The following PRKCE variants were observed in gnomAD, a reference collection of about 807,000 sequenced individuals.
PRKCE encodes the protein protein kinase C epsilon, also known as protein kinase C epsilon type.
In PRKCE, 16 loss-of-function variants were observed where a neutral mutation model predicts 85.4. The observed-to-expected ratio is 0.19, with a 90% CI of 0.13 to 0.28. PRKCE has a LOEUF of 0.28. Ranked by LOEUF, PRKCE falls within the 10% of genes least tolerant of loss-of-function variation. PRKCE has a pLI of 1.00. For missense variants in PRKCE, 573 were observed against 975.2 expected (o/e 0.59, Z 5.49); for synonymous variants, 388 against 371.5 (o/e 1.04, Z -0.51).
intron 1 of PRKCE, among the ~76,000 whole-genome samples, chr2:45,684,301 G>A (rs1677121393): frequency 1.3e-5 from 2 of 152,194 alleles, no homozygotes; most frequent in Non-Finnish European, 2.9e-5. Flanking sequence ...GGCTCCTGGT[G>A]AAGAAACCAT....
chr2:46,024,811 C>A (rs1706970912), intron 10 of PRKCE, among the ~76,000 whole-genome samples: 1 of 151,960 alleles, frequency 6.6e-6, no homozygotes, highest in South Asian at 2.1e-4. Flanking sequence ...GAGTTTAAAT[C>A]CAACCTCCTT....
chr2:45,716,362 C>A (rs915714453), intron 1 of PRKCE, among the ~76,000 whole-genome samples: 1 of 151,952 alleles, frequency 6.6e-6, no homozygotes, highest in Non-Finnish European at 1.5e-5. Context: ...ACCAAAAATA[C>A]AAAAATTAGC....
intron 3 of PRKCE, among the ~76,000 whole-genome samples, chr2:45,976,985 C>G (rs772664246): frequency 1.3e-5 from 2 of 151,864 alleles, no homozygotes; most frequent in Admixed American, 1.3e-4. Flanking sequence ...CAACCTCTGT[C>G]TCCCAGGTTC....
intron 12 of PRKCE, among the ~76,000 whole-genome samples, chr2:46,150,540 G>A (rs562265523): frequency 6.6e-5 from 10 of 152,242 alleles, no homozygotes; most frequent in African/African-American, 2.4e-4. Flanking sequence ...TCCTCTCCAG[G>A]AGCACAGGGC....
intron 12 of PRKCE, 23 bp from the exon 13 acceptor site, chr2:46,151,018 G>C: frequency 6.3e-7 from 1 of 1,584,194 alleles, no homozygotes; most frequent in Non-Finnish European, 8.6e-7. Context: ...GATGGTGCCT[G>C]ACATTGCTGG....
chr2:46,027,870 G>A (rs1335852097), intron 10 of PRKCE, among the ~76,000 whole-genome samples: 1 of 152,102 alleles, frequency 6.6e-6, no homozygotes, highest in African/African-American at 2.4e-5. Context: ...AGACCAGGGG[G>A]TTATCTACAG....
At chr2:45,787,085 G>A (rs988063539) in intron 1 of PRKCE, among the ~76,000 whole-genome samples, 8 of 152,194 alleles carry the variant, frequency 5.3e-5, no homozygotes, top group Admixed American at 5.2e-4. Context: ...GCTGGTGGAT[G>A]TGGGAAAATC....
At chr2:45,731,799 G>A (rs1393121782) in intron 1 of PRKCE, among the ~76,000 whole-genome samples, 1 of 151,726 alleles carries the variant, frequency 6.6e-6, no homozygotes, top group Non-Finnish European at 1.5e-5. Context: ...AGAATTTTTT[G>A]TAGAGACAAG....
chr2:45,788,557 T>A (rs917713885), intron 1 of PRKCE, among the ~76,000 whole-genome samples: 6 of 152,212 alleles, frequency 3.9e-5, no homozygotes, highest in Non-Finnish European at 7.3e-5. Flanking sequence ...TCATCCTTTC[T>A]ACCTACCCCT....
chr2:45,726,632 G>T (rs1040188869), intron 1 of PRKCE, among the ~76,000 whole-genome samples: 4 of 152,160 alleles, frequency 2.6e-5, no homozygotes, highest in Admixed American at 1.3e-4. Flanking sequence ...ATATTTTTAT[G>T]ACTTGCTTTA....
At chr2:45,849,463 A>G (rs779243727) in intron 2 of PRKCE, among the ~76,000 whole-genome samples, 1 of 152,156 alleles carries the variant, frequency 6.6e-6, no homozygotes, top group Non-Finnish European at 1.5e-5. Context: ...CCCAAAATCA[A>G]GCCCAGATAC....
At chr2:46,165,485 G>A (rs932341010) in intron 14 of PRKCE, among the ~76,000 whole-genome samples, 1 of 152,238 alleles carries the variant, frequency 6.6e-6, no homozygotes, top group African/African-American at 2.4e-5. Context: ...CAGCAAGGCT[G>A]GAGCCAAAGC....
chr2:46,077,923 A>G (rs939057324), intron 10 of PRKCE: 1 of 152,158 alleles, frequency 6.6e-6, no homozygotes, highest in Non-Finnish European at 1.5e-5. Flanking sequence ...CCCACTCATC[A>G]TTATTTACTG....
chr2:46,023,463 T>C (rs1470513595), intron 10 of PRKCE, among the ~76,000 whole-genome samples: 1 of 152,266 alleles, frequency 6.6e-6, no homozygotes, highest in East Asian at 1.9e-4. Context: ...ATGAATGCTT[T>C]GTGGTAGCAC....
At chr2:45,947,597 A>G (rs13023787) in intron 2 of PRKCE, among the ~76,000 whole-genome samples, 68,231 of 152,092 alleles carry the variant, frequency 0.45, 15,702 homozygotes, top group Middle Eastern at 0.56. Context: ...GAACTTTTGC[A>G]TATCATCATC....
intron 2 of PRKCE, among the ~76,000 whole-genome samples, chr2:45,884,968 TA>T (rs1558792765): frequency 6.6e-5 from 4 of 60,616 alleles, no homozygotes; most frequent in Admixed American, 4.1e-4. Flanking sequence ...TATATATATA[TA>T]TATATATATA....
chr2:45,839,842 C>T (rs1409578069), intron 1 of PRKCE, among the ~76,000 whole-genome samples: 1 of 152,234 alleles, frequency 6.6e-6, no homozygotes, highest in Non-Finnish European at 1.5e-5. Context: ...CGGCCATCTG[C>T]TCATGCTGCA....
Position 46,186,905 on chromosome 2 carries a change from T to C in PRKCE, c.*2024T>C, listed in dbSNP as rs1680486606. 6.6e-6 allele frequency: 1 copy of C among 152,654 alleles called. No individual in the cohort carries two copies. The highest frequency in any genetic ancestry group is 2.4e-5 in the African/African-American group (1 of 41,454). The allele number at this position is 152,654 out of a possible 1,614,324, so 9.5% of individuals were successfully genotyped here. On this transcript the variant is annotated 3_prime_UTR_variant, in exon 15 of 15. Coordinates refer to ENST00000306156, the MANE Select transcript of PRKCE (RefSeq NM_005400.3). ...TATCTGTTCTTAAGATAATTGCAAATATTAAATATTATGATATATCAATTC... is the reference window on the plus strand; with the variant it reads ...TATCTGTTCTTAAGATAATTGCAAACATTAAATATTATGATATATCAATTC...
chr2:45,784,315 G>GT (rs1558667555), intron 1 of PRKCE, among the ~76,000 whole-genome samples: 1 of 152,252 alleles, frequency 6.6e-6, no homozygotes, highest in African/African-American at 2.4e-5. Flanking sequence ...CCCTGTAGGC[G>GT]TGAGGGCCAC....
Sources: gnomAD v4.1 joint callset for allele counts (sites outside exome capture counted in the v4.1 genomes callset) on GRCh38, gnomAD v4.1.1 for gene constraint, MANE v1.5 for transcripts, NCBI Gene and HGNC (gene_info 2026-07-23, HGNC 2026-07-21) for gene names.